Variants in TMEM41B observed in about 807,000 individuals in gnomAD.
The protein encoded by TMEM41B is protein stasimon.
A neutral mutation model predicts 31.9 loss-of-function variants in TMEM41B; 18 were observed. The observed-to-expected ratio is 0.56, with a 90% CI of 0.39 to 0.84. The LOEUF is 0.84. TMEM41B is among the 40% of genes least tolerant of loss of function. The probability of loss-of-function intolerance (pLI) is 0.00; values close to 1 mark genes in which losing one functional copy is unlikely to be tolerated. For missense variants in TMEM41B, 322 were observed against 348.0 expected (o/e 0.93, Z 0.59); for synonymous variants, 144 against 124.3 (o/e 1.16, Z -1.05).
rs1416845687 is a variant in TMEM41B at position 9,280,756 on chromosome 11, C to T, written c.*2668G>A. The T allele has an allele frequency of 6.6e-6, 1 of 152,192 alleles. No homozygotes were observed. Among genetic ancestry groups the T allele is most frequent in the African/African-American group, 2.4e-5 (1 of 41,452 alleles). The allele number at this position is 152,192 out of a possible 1,614,324, so 9.4% of individuals were successfully genotyped here. A position where few individuals can be genotyped will look rare whatever the true frequency, so the allele number is the denominator to read the frequency against. ...AAAATAACAGAGCTCCAGAGAAAGACAGTTAACTAAGAAAGAACAGTTTCA... is the reference window on the plus strand; with the variant it reads ...AAAATAACAGAGCTCCAGAGAAAGATAGTTAACTAAGAAAGAACAGTTTCA... On this transcript the variant is annotated 3_prime_UTR_variant, in exon 7 of 7. Coordinates refer to ENST00000528080, the MANE Select transcript of TMEM41B (RefSeq NM_015012.4).
intron 2 of TMEM41B, among the ~76,000 whole-genome samples, chr11:9,298,063 CAAAAA>C (rs34802416): frequency 6.0e-5 from 5 of 83,964 alleles, no homozygotes; most frequent in Non-Finnish European, 4.5e-5. Context: ...GACCCTGCCT[CAAAAA>C]AAAAAAAAAA....
chr11:9,314,249 G>T, intron 1 of TMEM41B, 72 bp downstream of exon 1: 1 of 1,490,978 alleles, frequency 6.7e-7, no homozygotes, highest in Non-Finnish European at 8.9e-7. Flanking sequence ...CGAGAATAGC[G>T]GGGGTCCTTT....
At chr11:9,309,696 G>A (rs1853506325) in intron 1 of TMEM41B, among the ~76,000 whole-genome samples, 1 of 151,660 alleles carries the variant, frequency 6.6e-6, no homozygotes, top group Non-Finnish European at 1.5e-5. Flanking sequence ...GCTGAGGCAG[G>A]CAGATCACAA....
intron 1 of TMEM41B, among the ~76,000 whole-genome samples, chr11:9,305,207 T>TATATATAAGTA (rs1339653962): frequency 6.6e-6 from 1 of 152,110 alleles, no homozygotes; most frequent in Admixed American, 6.6e-5. Flanking sequence ...GGGTAATATA[T>TATATATAAGTA]ATATATAAGT....
intron 1 of TMEM41B, among the ~76,000 whole-genome samples, chr11:9,304,423 T>A (rs11042274): frequency 1.3e-5 from 2 of 151,958 alleles, no homozygotes; most frequent in Non-Finnish European, 2.9e-5. Context: ...CTAAATCCAA[T>A]TGAATAAAAA....
intron 2 of TMEM41B, among the ~76,000 whole-genome samples, chr11:9,298,649 C>G (rs536567100): frequency 6.6e-6 from 1 of 151,704 alleles, no homozygotes; most frequent in African/African-American, 2.4e-5. Flanking sequence ...ATCTATAATC[C>G]CAACTACTCA....
rs1336007107 is a variant in TMEM41B, at chr11:9,283,571, T to G, written c.729A>C (p.Val243=). 4 of 1,606,138 alleles carry G rather than the reference T, an allele frequency of 2.5e-6. No individual in the cohort carries two copies. The Admixed American group carries it at 6.9e-5, about 28-fold the overall frequency. The change falls in exon 7 of 7, where the codon GTA becomes GTC. Residue 243 remains valine, a synonymous_variant. Coordinates refer to ENST00000528080, the MANE Select transcript of TMEM41B (RefSeq NM_015012.4). ...ACAGTGTTGTTCCTGCCTTAATGGC[T>G]ACAAAAGAAGGAGGTGCGACACCTG... The part of the protein sequence containing the change: ...TFLGVAPPSF[V]AIKAGTTLYQ...
At chr11:9,284,775 A>AG (rs1852798290) in intron 6 of TMEM41B, among the ~76,000 whole-genome samples, 1 of 18,744 alleles carries the variant, frequency 5.3e-5, no homozygotes, top group Non-Finnish European at 3.2e-4. Flanking sequence ...AAAGAGAAAA[A>AG]AAAAGAAAGA....
intron 1 of TMEM41B, among the ~76,000 whole-genome samples, chr11:9,301,106 T>C (rs966435108): frequency 2.6e-5 from 4 of 151,850 alleles, no homozygotes; most frequent in African/African-American, 7.3e-5. Context: ...AAAATATGTA[T>C]ACTATATGGC....
chr11:9,298,506 T>A (rs1181821031), intron 2 of TMEM41B, among the ~76,000 whole-genome samples: 1 of 150,220 alleles, frequency 6.7e-6, no homozygotes, highest in Non-Finnish European at 1.5e-5. Context: ...GGCTCACGCC[T>A]GTAATCCTAG....
At chr11:9,311,341 G>T in intron 1 of TMEM41B, 1 of 1,510,948 alleles carries the variant, frequency 6.6e-7, no homozygotes, top group East Asian at 2.5e-5. Flanking sequence ...ATCTTTTTAT[G>T]AGCTTTCTTC....
At chr11:9,299,325 T>TACACACAC (rs139794462) in intron 2 of TMEM41B, among the ~76,000 whole-genome samples, 16,360 of 122,986 alleles carry the variant, frequency 0.13, 1,321 homozygotes, top group South Asian at 0.2. Flanking sequence ...TATACATACA[T>TACACACAC]ACACACACAC....
chr11:9,284,789 G>A (rs1169709395), intron 6 of TMEM41B, among the ~76,000 whole-genome samples: 2 of 93,096 alleles, frequency 2.1e-5, no homozygotes, highest in African/African-American at 7.2e-5. Flanking sequence ...AGAAAGAAAC[G>A]TGCTCTGTTC....
intron 1 of TMEM41B, among the ~76,000 whole-genome samples, chr11:9,302,014 T>G (rs1210872494): frequency 6.6e-6 from 1 of 150,782 alleles, no homozygotes; most frequent in Non-Finnish European, 1.5e-5. Flanking sequence ...TCGGTTTTTT[T>G]TTTTTTTTTT....
intron 2 of TMEM41B, among the ~76,000 whole-genome samples, chr11:9,296,780 T>C (rs75981190): frequency 0.019 from 2,833 of 152,258 alleles, 84 homozygotes; most frequent in African/African-American, 0.064. Context: ...ATACCACAGA[T>C]CAAAGTCCAC....
intron 1 of TMEM41B, among the ~76,000 whole-genome samples, chr11:9,305,793 T>C (rs1306169680): frequency 6.6e-6 from 1 of 152,108 alleles, no homozygotes; most frequent in African/African-American, 2.4e-5. Flanking sequence ...TTTCATATTA[T>C]GAGCATCTTT....
chr11:9,314,582 A>C lies in TMEM41B; in HGVS notation c.-141T>G. ...TCCTCACCCGAGACGACCTCAGCCC[A>C]GCGAGTACTGCAACCTCCTGCAAAC... On this transcript the variant is annotated 5_prime_UTR_variant, in exon 1 of 7. Transcript: ENST00000528080. 1 of 1,220,598 alleles carries C rather than the reference A, an allele frequency of 8.2e-7. No individual in the cohort carries two copies. Among genetic ancestry groups the C allele is most frequent in the Non-Finnish European group, 1.1e-6 (1 of 904,602 alleles). The allele number at this position is 1,220,598 out of a possible 1,614,324, so 75.6% of individuals were successfully genotyped here. A position where few individuals can be genotyped will look rare whatever the true frequency, so the allele number is the denominator to read the frequency against.
chr11:9,314,233 ACT>A, intron 1 of TMEM41B, 86 bp downstream of exon 1: 1 of 1,420,824 alleles, frequency 7.0e-7, no homozygotes, highest in Non-Finnish European at 9.2e-7. Flanking sequence ...TTTCCCCGCG[ACT>A]CTCCGAGAAT....
At chr11:9,306,164 A>G (rs1030965998) in intron 1 of TMEM41B, among the ~76,000 whole-genome samples, 1 of 151,426 alleles carries the variant, frequency 6.6e-6, no homozygotes, top group Non-Finnish European at 1.5e-5. Context: ...TTTTTAGTAG[A>G]GACGGGGTTT....
Sources: allele counts gnomAD v4.1 joint callset (sites outside exome capture counted in the v4.1 genomes callset), GRCh38; gene constraint gnomAD v4.1.1; transcripts MANE v1.5; gene names NCBI Gene and HGNC (gene_info 2026-07-23, HGNC 2026-07-21).